SLC34A2: variants seen among roughly 807,000 people sequenced by gnomAD.
The protein encoded by SLC34A2 is sodium-dependent phosphate transport protein 2B.
In SLC34A2, 41 loss-of-function variants were observed where a neutral mutation model predicts 50.8. The ratio of observed to expected loss-of-function variants is 0.81; its 90% CI spans 0.63 to 1.05. The LOEUF (loss-of-function observed/expected upper bound fraction) is 1.05, where lower values mean the gene tolerates loss of function less well. SLC34A2 is among the 50% of genes least tolerant of loss of function. The pLI is 0.00. For missense variants in SLC34A2, 879 were observed against 876.7 expected, an observed-to-expected ratio of 1.00 and a Z score of -0.03; for synonymous variants, 401 against 364.2, an observed-to-expected ratio of 1.10 and a Z score of -1.15.
rs756552815 is a variant in SLC34A2, at chr4:25,666,093, G to A, written c.380-35G>A. 37 of 1,609,772 alleles carry A rather than the reference G, an allele frequency of 2.3e-5. No homozygotes were observed. In the South Asian group the frequency reaches 3.6e-4, roughly 16 times the overall value. ...CCACCTAATCCCCCTCGATCACGTTGTGATTGTTTTTGTTTGTTTGTTTGT... is the reference window on the plus strand; with the variant it reads ...CCACCTAATCCCCCTCGATCACGTTATGATTGTTTTTGTTTGTTTGTTTGT... On this transcript the variant is annotated intron_variant, in intron 4 of 12. Coordinates refer to ENST00000382051, the MANE Select transcript of SLC34A2 (RefSeq NM_006424.3).
chr4:25,673,311 G>A lies in SLC34A2; in HGVS notation c.1216+57G>A, dbSNP rs1257023195. On this transcript the variant is annotated intron_variant, in intron 10 of 12. Coordinates refer to ENST00000382051, the MANE Select transcript of SLC34A2 (RefSeq NM_006424.3). ...CATGTAGTCACTGCATGGGGTGTGGGGGTCCTTTAGATTCCCATCTAGCAA... is the reference window on the plus strand; with the variant it reads ...CATGTAGTCACTGCATGGGGTGTGGAGGTCCTTTAGATTCCCATCTAGCAA... 1.8e-5 allele frequency: 27 copies of A among 1,531,266 alleles called. No individual in the cohort carries two copies. The East Asian group carries it at 4.0e-4, about 23-fold the overall frequency. The allele number at this position is 1,531,266 out of a possible 1,614,324, so 94.9% of individuals were successfully genotyped here. A position where few individuals can be genotyped will look rare whatever the true frequency, so the allele number is the denominator to read the frequency against.
rs1167200309 is a variant in SLC34A2, at chr4:25,673,261, A to G, written c.1216+7A>G. The G allele has an allele frequency of 4.4e-6, 7 of 1,594,164 alleles. No homozygotes were observed. The highest frequency in any genetic ancestry group is 5.1e-6 in the Non-Finnish European group (6 of 1,175,312). ...AAGAAGACCATCAACACTGGTAGGTACACTGCCCTCACTTGTAGGCCTCAC... is the reference window on the plus strand; with the variant it reads ...AAGAAGACCATCAACACTGGTAGGTGCACTGCCCTCACTTGTAGGCCTCAC... On this transcript the variant is annotated splice_region_variant and intron_variant, in intron 10 of 12. Coordinates refer to ENST00000382051, the MANE Select transcript of SLC34A2 (RefSeq NM_006424.3).
chr4:25,674,759 A>AG (rs1374617531), intron 12 of SLC34A2, 130 bp downstream of exon 12: 7 of 1,230,524 alleles, frequency 5.7e-6, no homozygotes, highest in Non-Finnish European at 8.0e-6. Flanking sequence ...GTGGAGGGGA[A>AG]GCCACGGGTA....
At chr4:25,656,915 C>T (rs1713912907) in intron 1 of SLC34A2, among the ~76,000 whole-genome samples, 1 of 152,168 alleles carries the variant, frequency 6.6e-6, no homozygotes, top group Admixed American at 6.5e-5. Context: ...TGTGTGCTGG[C>T]AGTTCTTTAA....
intron 3 of SLC34A2, 73 bp from the exon 4 acceptor site, chr4:25,664,129 C>T (rs904949517): frequency 6.5e-7 from 1 of 1,538,710 alleles, no homozygotes; most frequent in Non-Finnish European, 9.0e-7. Context: ...AGCTCATTGC[C>T]AAACTTCTCA....
chr4:25,678,664 A>G lies in SLC34A2; in HGVS notation c.*1915A>G. 1 of 399,882 alleles carries G rather than the reference A, an allele frequency of 2.5e-6. No individual in the cohort carries two copies. Among genetic ancestry groups the G allele is most frequent in the Non-Finnish European group, 4.6e-6 (1 of 218,424 alleles). 24.8% of individuals were successfully genotyped at this position (399,882 alleles called of 1,614,324 possible). A position where few individuals can be genotyped will look rare whatever the true frequency, so the allele number is the denominator to read the frequency against. On this transcript the variant is annotated 3_prime_UTR_variant, in exon 13 of 13. Transcript: ENST00000382051. ...CCAAAGTGCTGAGATCACAGGCGTG[A>G]GCCACCACCAGGCCTGATTGTAATT...
chr4:25,665,966 G>A (rs1388175752), intron 4 of SLC34A2, among the ~76,000 whole-genome samples, 162 bp from the exon 5 acceptor site: 1 of 152,182 alleles, frequency 6.6e-6, no homozygotes, highest in East Asian at 1.9e-4. Flanking sequence ...CTGGGAAGAG[G>A]CATGGGGAAG....
At chr4:25,673,040 C>G in intron 9 of SLC34A2, 47 bp from the exon 10 acceptor site, 1 of 1,587,950 alleles carries the variant, frequency 6.3e-7, no homozygotes. Context: ...AATCTGTAGC[C>G]GTGGTGGCTC....
At chr4:25,663,053 C>G (rs113619405) in intron 3 of SLC34A2, among the ~76,000 whole-genome samples, 3,620 of 152,036 alleles carry the variant, frequency 0.024, 153 homozygotes, top group African/African-American at 0.08. Flanking sequence ...TGGCTCACTG[C>G]AAGCTCTGCC....
chr4:25,664,926 C>A, intron 4 of SLC34A2: 1 of 232,534 alleles, frequency 4.3e-6, no homozygotes, highest in Non-Finnish European at 8.5e-6. Flanking sequence ...CGGGGGCCCT[C>A]TATCAAACAT....
intron 10 of SLC34A2, 44 bp downstream of exon 10, chr4:25,673,298 G>A (rs1473399749): frequency 1.4e-6 from 1 of 691,408 alleles, no homozygotes; most frequent in South Asian, 1.8e-5. Flanking sequence ...TGTAGTCACT[G>A]CATGGGGTGT....
At chr4:25,669,942 G>C in intron 7 of SLC34A2, 100 bp downstream of exon 7, 1 of 1,117,902 alleles carries the variant, frequency 8.9e-7, no homozygotes, top group Non-Finnish European at 1.4e-6. Flanking sequence ...ACTATTCTGG[G>C]CCTGGCATGG....
At position 25,673,234 on chromosome 4, in the gene SLC34A2, T is replaced by C; in HGVS notation, c.1196T>C (p.Ile399Thr). The C allele has an allele frequency of 2.5e-6, 4 of 1,613,790 alleles. No individual in the cohort carries two copies. Among genetic ancestry groups the C allele is most frequent in the Non-Finnish European group, 3.4e-6 (4 of 1,180,016 alleles). The change falls in exon 10 of 13, where the codon ATC becomes ACC. Residue 399 changes from isoleucine to threonine, a missense_variant. Transcript: ENST00000382051. ...CTCAAGGGGCAGGTCGCCACTGTCA[T>C]CAAGAAGACCATCAACACTGGTAGG... The part of the protein sequence containing the change: ...SVLKGQVATV[I>T]KKTINTDFPF...
intron 3 of SLC34A2, 95 bp from the exon 4 acceptor site, chr4:25,664,107 G>A (rs1383472286): frequency 5.7e-6 from 7 of 1,238,152 alleles, no homozygotes; most frequent in South Asian, 2.4e-5. Context: ...AGGGGAGGTC[G>A]GGGGAGCTCT....
intron 1 of SLC34A2, 104 bp from the exon 2 acceptor site, chr4:25,662,394 C>T (rs546288783): frequency 2.9e-6 from 3 of 1,030,524 alleles, no homozygotes; most frequent in East Asian, 2.5e-5. Flanking sequence ...CCGGCCGAAA[C>T]CCCCACCCAG....
rs1714582093 is a variant in SLC34A2, at chr4:25,667,868, T to C, written c.524-12T>C. ...TTTCTAAGCTTGCTAATGGTACTTT[T>C]CCATCCTCTAGTGCTCACTGTTCGG... is the stretch of plus-strand genomic sequence containing the variant. On this transcript the variant is annotated splice_polypyrimidine_tract_variant and intron_variant, in intron 5 of 12. Coordinates refer to ENST00000382051, the MANE Select transcript of SLC34A2 (RefSeq NM_006424.3). 2 of 1,587,566 alleles carry C rather than the reference T, an allele frequency of 1.3e-6. No homozygotes were observed. Among genetic ancestry groups the C allele is most frequent in the South Asian group, 1.1e-5 (1 of 90,424 alleles).
chr4:25,671,774 C>A (rs1248936069), intron 9 of SLC34A2, 53 bp downstream of exon 9: 2 of 1,613,180 alleles, frequency 1.2e-6, no homozygotes, highest in East Asian at 4.5e-5. Flanking sequence ...CTGGGGGTGA[C>A]CTATTTATCC....
At chr4:25,671,496 T>A in intron 8 of SLC34A2, 105 bp from the exon 9 acceptor site, 1 of 1,383,066 alleles carries the variant, frequency 7.2e-7, no homozygotes, top group Non-Finnish European at 1.0e-6. Context: ...CCATACTGCA[T>A]GCACCATGGG....
At chr4:25,657,867 A>G (rs1713972449) in intron 1 of SLC34A2, among the ~76,000 whole-genome samples, 1 of 152,320 alleles carries the variant, frequency 6.6e-6, no homozygotes, top group South Asian at 2.1e-4. Context: ...TGCTGGGATT[A>G]TAGGTGTGAG....
Sources: gnomAD v4.1 joint callset for allele counts (sites outside exome capture counted in the v4.1 genomes callset) on GRCh38, gnomAD v4.1.1 for gene constraint, MANE v1.5 for transcripts, NCBI Gene and HGNC (gene_info 2026-07-23, HGNC 2026-07-21) for gene names.